P3H2: variants seen among roughly 807,000 people sequenced by gnomAD.
The protein encoded by P3H2 is prolyl 3-hydroxylase 2.
Under a neutral mutation model 87.0 loss-of-function variants are expected in P3H2, and 80 were observed. The ratio of observed to expected loss-of-function variants is 0.92; its 90% confidence interval spans 0.77 to 1.11. P3H2 has a LOEUF of 1.11. P3H2 is among the 50% of genes least tolerant of loss of function. The pLI is 0.00. For missense variants in P3H2, 1,001 were observed against 923.9 expected (o/e 1.08, Z -1.08); for synonymous variants, 367 against 359.3 (o/e 1.02, Z -0.24).
At chr3:190,088,431 T>C (rs1727296535) in intron 1 of P3H2, among the ~76,000 whole-genome samples, 2 of 152,124 alleles carry the variant, frequency 1.3e-5, no homozygotes, top group Admixed American at 1.3e-4. Context: ...GCAAACAAGG[T>C]AAGCCTGTGT....
intron 1 of P3H2, among the ~76,000 whole-genome samples, chr3:190,115,161 CT>C (rs1712241294): frequency 6.6e-6 from 1 of 152,106 alleles, no homozygotes; most frequent in South Asian, 2.1e-4. Context: ...TATTTTTCCC[CT>C]TCCTTTTAAT....
chr3:189,983,224 G>A (rs535930196), intron 7 of P3H2, 84 bp from the exon 8 acceptor site: 11 of 1,003,206 alleles, frequency 1.1e-5, no homozygotes, highest in Non-Finnish European at 1.7e-5. Context: ...AAGGTAGTCT[G>A]TGACTCTATA....
rs376486934 is a variant in P3H2, at chr3:189,982,309, G to T, written c.1324+737C>A. 2.5e-3 allele frequency among the ~76,000 whole-genome samples: 382 copies of T among 152,280 alleles called. 3 individuals are homozygous for T. The highest frequency in any genetic ancestry group is 5.0e-3 in the Admixed American group (77 of 15,292). ...ATGCAAATAAATTGTGTGCAAATTTGCTGGGAAATCATAAAACATATAGAA... is the reference window on the plus strand; with the variant it reads ...ATGCAAATAAATTGTGTGCAAATTTTCTGGGAAATCATAAAACATATAGAA... On this transcript the variant is annotated intron_variant, in intron 8 of 14. Coordinates refer to ENST00000319332, the MANE Select transcript of P3H2 (RefSeq NM_018192.4).
intron 1 of P3H2, among the ~76,000 whole-genome samples, chr3:190,017,758 A>C (rs1380326617): frequency 6.6e-6 from 1 of 152,214 alleles, no homozygotes; most frequent in Non-Finnish European, 1.5e-5. Flanking sequence ...AAACCTCTAC[A>C]ATCTATTTCC....
At chr3:189,986,567 C>G (rs899152926) in intron 6 of P3H2, among the ~76,000 whole-genome samples, 4 of 151,976 alleles carry the variant, frequency 2.6e-5, no homozygotes, top group African/African-American at 9.7e-5. Context: ...CCAGCCTGGG[C>G]GACAAGAGCG....
At chr3:190,077,549 C>T (rs1726910677) in intron 1 of P3H2, among the ~76,000 whole-genome samples, 1 of 152,134 alleles carries the variant, frequency 6.6e-6, no homozygotes, top group South Asian at 2.1e-4. Context: ...GTACAACAAG[C>T]ATAGAATTGT....
intron 1 of P3H2, among the ~76,000 whole-genome samples, chr3:190,052,282 C>A (rs112909969): frequency 6.6e-6 from 1 of 151,992 alleles, no homozygotes; most frequent in Non-Finnish European, 1.5e-5. Context: ...TGATGTTACC[C>A]TCCCTGGGTC....
chr3:189,990,394 T>C (rs1577258084), intron 3 of P3H2, among the ~76,000 whole-genome samples: 1 of 152,238 alleles, frequency 6.6e-6, no homozygotes, highest in Admixed American at 6.5e-5. Context: ...CAACTTACCA[T>C]TTGCATTTCT....
intron 1 of P3H2, among the ~76,000 whole-genome samples, chr3:190,008,162 G>A (rs771242122): frequency 6.6e-6 from 1 of 151,778 alleles, no homozygotes; most frequent in Non-Finnish European, 1.5e-5. Context: ...TCAGGGTCAC[G>A]TGGGTTCTGA....
intron 8 of P3H2, among the ~76,000 whole-genome samples, chr3:189,979,440 AAAG>A (rs1336638810): frequency 2.6e-5 from 4 of 152,238 alleles, no homozygotes; most frequent in South Asian, 2.1e-4. Context: ...AAATAAAAAA[AAAG>A]AAGAACTTTT....
intron 1 of P3H2, among the ~76,000 whole-genome samples, chr3:190,116,193 T>C (rs765921580): frequency 2.0e-5 from 3 of 152,114 alleles, no homozygotes; most frequent in African/African-American, 4.8e-5. Flanking sequence ...CTCACAGAAA[T>C]AGGTGCATTT....
At chr3:189,977,511 C>T (rs1383405942) in intron 8 of P3H2, among the ~76,000 whole-genome samples, 1 of 152,220 alleles carries the variant, frequency 6.6e-6, no homozygotes, top group Non-Finnish European at 1.5e-5. Context: ...TCTCTGCAGA[C>T]TCTTACCCCA....
intron 1 of P3H2, among the ~76,000 whole-genome samples, chr3:190,043,428 GCTT>G (rs1358949788): frequency 2.6e-5 from 4 of 152,062 alleles, no homozygotes; most frequent in Non-Finnish European, 5.9e-5. Context: ...GCAACTCTCA[GCTT>G]CTTCTTATTC....
intron 4 of P3H2, among the ~76,000 whole-genome samples, chr3:189,988,455 T>C (rs1723774343): frequency 6.6e-6 from 1 of 152,140 alleles, no homozygotes. Flanking sequence ...CACATATATA[T>C]ATACTCTGAG....
At chr3:189,972,744 C>T in intron 11 of P3H2, 130 bp downstream of exon 11, 1 of 952,782 alleles carries the variant, frequency 1.0e-6, no homozygotes, top group South Asian at 1.4e-5. Flanking sequence ...AGTTCATAAG[C>T]TACTTTTGTT....
chr3:190,060,670 T>A (rs1435816063), intron 1 of P3H2, among the ~76,000 whole-genome samples: 1 of 152,168 alleles, frequency 6.6e-6, no homozygotes, highest in East Asian at 1.9e-4. Flanking sequence ...GAAGTGTATC[T>A]CCAAGGGAAA....
intron 1 of P3H2, among the ~76,000 whole-genome samples, chr3:190,038,759 A>G (rs929664746): frequency 6.6e-6 from 1 of 152,246 alleles, no homozygotes; most frequent in African/African-American, 2.4e-5. Context: ...AGGACATACA[A>G]TATTTATCAT....
At position 190,018,025 on chromosome 3, in the gene P3H2, T is replaced by C. The variant is rs560279099; in HGVS notation, c.481-22583A>G. Reference sequence around the variant, plus strand: ...CTCATGAATTGTCAGGTGGCTGAAGTCACAGTGACCGATTCTGTAGTTCCT... The same window carrying C: ...CTCATGAATTGTCAGGTGGCTGAAGCCACAGTGACCGATTCTGTAGTTCCT... On this transcript the variant is annotated intron_variant, in intron 1 of 14. Transcript: ENST00000319332. Among the ~76,000 whole-genome samples, 3 of 152,330 alleles carry C rather than the reference T, an allele frequency of 2.0e-5. 1 individual carries two copies. The highest frequency in any genetic ancestry group is 7.2e-5 in the African/African-American group (3 of 41,582).
chr3:190,101,357 A>G (rs1198527142), intron 1 of P3H2, among the ~76,000 whole-genome samples: 1 of 148,002 alleles, frequency 6.8e-6, no homozygotes, highest in East Asian at 2.0e-4. Context: ...CAGTTCACCA[A>G]ATCATGAACG....
Sources: allele counts gnomAD v4.1 joint callset (sites outside exome capture counted in the v4.1 genomes callset), GRCh38; gene constraint gnomAD v4.1.1; transcripts MANE v1.5; gene names NCBI Gene and HGNC (gene_info 2026-07-23, HGNC 2026-07-21).